Variants in CSMD1 observed in about 807,000 individuals in gnomAD.
CSMD1 encodes the protein CUB and Sushi multiple domains 1.
A neutral mutation model predicts 417.5 loss-of-function variants in CSMD1; 213 were observed. That is an observed-to-expected ratio of 0.51 (90% confidence interval 0.46 to 0.57). The LOEUF (loss-of-function observed/expected upper bound fraction) is 0.57, where lower values mean the gene tolerates loss of function less well. Ranked by LOEUF, CSMD1 falls within the 20% of genes least tolerant of loss-of-function variation. CSMD1 has a pLI of 0.00. For synonymous variants in CSMD1, 2,862 were observed against 1,736.8 expected (o/e 1.65, Z -16.11); for missense variants, 6,923 against 4,529.7 (o/e 1.53, Z -15.17).
chr8:3,279,880 C>A (rs1178036040), intron 26 of CSMD1, among the ~76,000 whole-genome samples: 3 of 152,192 alleles, frequency 2.0e-5, no homozygotes, highest in African/African-American at 7.2e-5. Context: ...GATCCAACCA[C>A]CTCCACCTGG....
At chr8:4,463,158 C>G (rs1173251201) in intron 2 of CSMD1, among the ~76,000 whole-genome samples, 1 of 152,128 alleles carries the variant, frequency 6.6e-6, no homozygotes, top group Non-Finnish European at 1.5e-5. Flanking sequence ...AAAGAAGATA[C>G]ACAAATGGCC....
intron 10 of CSMD1, among the ~76,000 whole-genome samples, chr8:3,501,520 G>C (rs562535950): frequency 2.4e-4 from 37 of 152,286 alleles, no homozygotes; most frequent in African/African-American, 8.4e-4. Context: ...CTTGGAATAA[G>C]ATAATTTATA....
chr8:3,778,447 C>A (rs775080420), intron 5 of CSMD1, among the ~76,000 whole-genome samples: 6 of 152,198 alleles, frequency 3.9e-5, no homozygotes, highest in African/African-American at 1.4e-4. Context: ...TCCAGCCATC[C>A]CAAGGTGCCC....
At chr8:3,806,182 C>T (rs115859369) in intron 5 of CSMD1, among the ~76,000 whole-genome samples, 1 of 152,128 alleles carries the variant, frequency 6.6e-6, no homozygotes, top group African/African-American at 2.4e-5. Context: ...TACCTTGGGT[C>T]GTCCATTCAA....
At chr8:4,796,584 C>T (rs981396224) in intron 1 of CSMD1, among the ~76,000 whole-genome samples, 3 of 151,812 alleles carry the variant, frequency 2.0e-5, no homozygotes, top group Admixed American at 6.6e-5. Context: ...CTGTGGGAGG[C>T]TGCAGACCTC....
At chr8:4,726,400 T>C (rs983449933) in intron 1 of CSMD1, among the ~76,000 whole-genome samples, 2 of 152,130 alleles carry the variant, frequency 1.3e-5, no homozygotes, top group Non-Finnish European at 2.9e-5. Flanking sequence ...AATAGAGCAC[T>C]CTACCCTTTA....
intron 6 of CSMD1, among the ~76,000 whole-genome samples, chr8:3,750,785 C>G (rs1398355362): frequency 1.3e-5 from 2 of 152,164 alleles, no homozygotes; most frequent in African/African-American, 4.8e-5. Flanking sequence ...AAGGGCCCAT[C>G]TCATCCTAAG....
chr8:3,598,872 G>A (rs988994740), intron 8 of CSMD1, among the ~76,000 whole-genome samples: 2 of 152,100 alleles, frequency 1.3e-5, no homozygotes, highest in African/African-American at 2.4e-5. Flanking sequence ...CACAAGGTCA[G>A]GAGTTTGAGA....
intron 7 of CSMD1, among the ~76,000 whole-genome samples, chr8:3,654,921 G>C (rs1001906937): frequency 2.0e-5 from 3 of 152,176 alleles, no homozygotes; most frequent in African/African-American, 7.2e-5. Context: ...TTGAGCCAGG[G>C]AGCATCTCAT....
chr8:4,079,621 A>G (rs2130807861), intron 3 of CSMD1, among the ~76,000 whole-genome samples: 1 of 152,324 alleles, frequency 6.6e-6, no homozygotes, highest in African/African-American at 2.4e-5. Flanking sequence ...CTTCATGGAG[A>G]ATTAGCTAAA....
chr8:3,079,314 T>C (rs572423696), intron 49 of CSMD1, among the ~76,000 whole-genome samples: 105 of 152,300 alleles, frequency 6.9e-4, no homozygotes, highest in Non-Finnish European at 1.2e-3. Context: ...AAAGTGTGTG[T>C]CTATATATAA....
intron 39 of CSMD1, among the ~76,000 whole-genome samples, chr8:3,155,358 G>GTTTTTTTTTT (rs763097673): frequency 6.2e-5 from 3 of 48,108 alleles, no homozygotes; most frequent in African/African-American, 1.3e-4. Flanking sequence ...TCAAGGCTGG[G>GTTTTTTTTTT]ATTTTTTTTT....
chr8:3,398,730 T>C (rs1236047712), intron 16 of CSMD1, among the ~76,000 whole-genome samples: 2 of 152,200 alleles, frequency 1.3e-5, no homozygotes, highest in African/African-American at 4.8e-5. Context: ...TTTTAGTTTT[T>C]AATCATCAAT....
In CSMD1 at chr8:4,325,811, C is replaced by A. The variant is rs1456102176; in HGVS notation, c.415+94142G>T. Reference sequence around the variant, plus strand: ...GCTGGCCCATTTAAAATGCTGATGACCCTGAGAACGACTGTAGATTAACAA... The same window carrying A: ...GCTGGCCCATTTAAAATGCTGATGAACCTGAGAACGACTGTAGATTAACAA... On this transcript the variant is annotated intron_variant, in intron 3 of 69. Coordinates refer to ENST00000635120, the MANE Select transcript of CSMD1 (RefSeq NM_033225.6). Among the ~76,000 whole-genome samples the A allele has an allele frequency of 7.2e-5, 11 of 152,200 alleles. 1 individual carries two copies. In the South Asian group the frequency reaches 2.3e-3, roughly 32 times the overall value.
intron 1 of CSMD1, among the ~76,000 whole-genome samples, chr8:4,913,779 G>A (rs946155676): frequency 2.0e-5 from 3 of 152,150 alleles, no homozygotes; most frequent in African/African-American, 7.2e-5. Context: ...GGGAGTCACT[G>A]CCAAATTGCA....
At chr8:3,089,445 T>C (rs1814776750) in intron 48 of CSMD1, among the ~76,000 whole-genome samples, 1 of 152,240 alleles carries the variant, frequency 6.6e-6, no homozygotes, top group Non-Finnish European at 1.5e-5. Context: ...TTTGTCGTTT[T>C]TAACTCGGAT....
At chr8:3,144,835 G>A (rs2129032825) in intron 40 of CSMD1, among the ~76,000 whole-genome samples, 1 of 138,526 alleles carries the variant, frequency 7.2e-6, no homozygotes, top group East Asian at 2.3e-4. Flanking sequence ...GTAAGGGAGG[G>A]AGGGGGTCCA....
chr8:4,722,879 T>C (rs1809152207), intron 1 of CSMD1, among the ~76,000 whole-genome samples: 1 of 150,694 alleles, frequency 6.6e-6, no homozygotes. Context: ...AAAAGATTTC[T>C]CCTCTGTGAA....
At chr8:4,348,316 A>C (rs1800893549) in intron 3 of CSMD1, among the ~76,000 whole-genome samples, 1 of 152,040 alleles carries the variant, frequency 6.6e-6, no homozygotes, top group African/African-American at 2.4e-5. Context: ...ATGCCTTTGT[A>C]AGAGTGTGAG....
Sources: allele counts gnomAD v4.1 joint callset (sites outside exome capture counted in the v4.1 genomes callset), GRCh38; gene constraint gnomAD v4.1.1; transcripts MANE v1.5; gene names NCBI Gene and HGNC (gene_info 2026-07-23, HGNC 2026-07-21).